GRAMD1C: variants seen among roughly 807,000 people sequenced by gnomAD.
The protein encoded by GRAMD1C is protein Aster-C.
GRAMD1C carries 89 observed loss-of-function variants against 97.8 expected under a neutral mutation model. The observed-to-expected ratio is 0.91, with a 90% confidence interval of 0.77 to 1.09. The LOEUF is 1.09. Among genes scored for constraint, GRAMD1C ranks in the 50% least tolerant of loss-of-function variants. The pLI, the probability that GRAMD1C is intolerant of heterozygous loss-of-function variation, is 0.00. For missense variants in GRAMD1C, 740 were observed against 766.4 expected (o/e 0.97, Z 0.41); for synonymous variants, 256 against 267.0 (o/e 0.96, Z 0.40).
chr3:113,898,340 A>C (rs533676699), intron 6 of GRAMD1C, among the ~76,000 whole-genome samples: 21 of 152,176 alleles, frequency 1.4e-4, no homozygotes, highest in Non-Finnish European at 2.6e-4. Context: ...TTAGTCTTAC[A>C]CAAGTATATT....
intron 10 of GRAMD1C, among the ~76,000 whole-genome samples, chr3:113,921,972 C>G (rs918447297): frequency 1.3e-5 from 2 of 152,034 alleles, no homozygotes; most frequent in African/African-American, 4.8e-5. Flanking sequence ...TTAATTATGT[C>G]CCATTTGTCA....
rs1398389077 is a variant in GRAMD1C at position 113,946,826 on chromosome 3, A to AG, written c.*1351dup. On this transcript the variant is annotated 3_prime_UTR_variant, in exon 18 of 18. Transcript: ENST00000358160. ...AGAATGAAAGTATTGACTCCGTTAG[A>AG]GGGAAAATGGGTTTCTCTGGGTGAA... 1 of 152,210 alleles carries AG rather than the reference A, an allele frequency of 6.6e-6. No homozygotes were observed. The highest frequency in any genetic ancestry group is 1.5e-5 in the Non-Finnish European group (1 of 68,034). The allele number at this position is 152,210 out of a possible 1,614,324, so 9.4% of individuals were successfully genotyped here. A position where few individuals can be genotyped will look rare whatever the true frequency, so the allele number is the denominator to read the frequency against.
intron 5 of GRAMD1C, among the ~76,000 whole-genome samples, chr3:113,882,492 T>C (rs2107400203): frequency 6.6e-6 from 1 of 152,318 alleles, no homozygotes; most frequent in East Asian, 1.9e-4. Context: ...TAGCTACCTA[T>C]TTCAAGTCCC....
Position 113,939,939 on chromosome 3 carries a change from T to C in GRAMD1C, c.1745T>C (p.Ile582Thr), listed in dbSNP as rs756130528. Residue 582 changes from isoleucine (I) to threonine (T), a missense_variant, in exon 16 of 18, where the codon ATA (isoleucine) becomes ACA (threonine). Coordinates refer to ENST00000358160, the MANE Select transcript of GRAMD1C (RefSeq NM_017577.5). ...ACACTGTTTCTGAAGCTGTCAAAGA[T>C]AGAACATGCTGCTCAGTCCTTTTAC... Reference protein sequence around the residue: ...NVTLFLKLSKIEHAAQSFYRL... With the variant: ...NVTLFLKLSKTEHAAQSFYRL... The C allele has an allele frequency of 6.8e-6, 11 of 1,611,264 alleles. No individual in the cohort carries two copies. The East Asian group carries it at 2.0e-4, about 29-fold the overall frequency.
At chr3:113,873,880 T>C (rs1166363826) in intron 3 of GRAMD1C, among the ~76,000 whole-genome samples, 2 of 152,162 alleles carry the variant, frequency 1.3e-5, no homozygotes, top group Admixed American at 6.5e-5. Context: ...AAGCATTGAA[T>C]TGATAAAATG....
At chr3:113,900,776 T>C (rs1936139146) in intron 6 of GRAMD1C, among the ~76,000 whole-genome samples, 1 of 152,086 alleles carries the variant, frequency 6.6e-6, no homozygotes. Context: ...TAACCTCCCA[T>C]TTTCAGTAGT....
intron 2 of GRAMD1C, among the ~76,000 whole-genome samples, chr3:113,847,334 G>A (rs1489788526): frequency 6.6e-6 from 1 of 152,156 alleles, no homozygotes; most frequent in Non-Finnish European, 1.5e-5. Context: ...TATAACATAT[G>A]AAACCATGCT....
At chr3:113,887,085 G>GTT (rs531763397) in intron 6 of GRAMD1C, among the ~76,000 whole-genome samples, 14,597 of 71,012 alleles carry the variant, frequency 0.21, 2,603 homozygotes, top group Non-Finnish European at 0.25. Context: ...TGGCCTTTTT[G>GTT]TTTTTTTTTT....
chr3:113,926,904 G>C (rs1005085701), intron 10 of GRAMD1C, among the ~76,000 whole-genome samples: 12 of 152,080 alleles, frequency 7.9e-5, no homozygotes, highest in African/African-American at 2.9e-4. Flanking sequence ...GAGGGGTGGA[G>C]GTGTTCCTGG....
rs750591530 is a variant in GRAMD1C, at chr3:113,909,021, G to A, written c.853G>A (p.Glu285Lys). 7 of 1,576,968 alleles carry A rather than the reference G, an allele frequency of 4.4e-6. No homozygotes were observed. In the African/African-American group the frequency reaches 5.5e-5, roughly 12 times the overall value. ...CAAAAAGAGTCTCTTACCAACTTTG[G>A]AAAAGAAGTTAACTAGAGTGCCATC... is the stretch of plus-strand genomic sequence containing the variant. ...QTKKSLLPTLEKKLTRVPSKS... is the reference protein window; with the variant it reads ...QTKKSLLPTLKKKLTRVPSKS... The change falls in exon 9 of 18, where the codon GAA becomes AAA. Residue 285 changes from glutamate (E) to lysine (K), a missense_variant. Coordinates refer to ENST00000358160, the MANE Select transcript of GRAMD1C (RefSeq NM_017577.5).
At position 113,945,615 on chromosome 3, in the gene GRAMD1C, T is replaced by A. The variant is rs1559832280; in HGVS notation, c.*137T>A. ...TTGAGATTTCTAATATGAACATTTCTTTCAGTAACATTTATTTGATAATTA... is the reference window on the plus strand; with the variant it reads ...TTGAGATTTCTAATATGAACATTTCATTCAGTAACATTTATTTGATAATTA... On this transcript the variant is annotated 3_prime_UTR_variant, in exon 18 of 18. Transcript: ENST00000358160. 5.2e-6 allele frequency: 3 copies of A among 580,628 alleles called. No individual in the cohort carries two copies. Among genetic ancestry groups the A allele is most frequent in the Non-Finnish European group, 9.2e-6 (3 of 324,506 alleles). The allele number at this position is 580,628 out of a possible 1,614,324, so 36.0% of individuals were successfully genotyped here.
intron 6 of GRAMD1C, among the ~76,000 whole-genome samples, chr3:113,888,000 AG>A (rs1283013374): frequency 6.6e-6 from 1 of 152,300 alleles, no homozygotes; most frequent in Admixed American, 6.5e-5. Context: ...TTAATGATAA[AG>A]AACCTACCAC....
At position 113,867,437 on chromosome 3, in the gene GRAMD1C, C is replaced by T. The variant is rs1009185011; in HGVS notation, c.175-2070C>T. ...CCCCACGAGTAGCTGGGATCACAGG[C>T]ATGCACCACCACACCCGGCTAATTT... On this transcript the variant is annotated intron_variant, in intron 2 of 17. Coordinates refer to ENST00000358160, the MANE Select transcript of GRAMD1C (RefSeq NM_017577.5). 5.3e-5 allele frequency among the ~76,000 whole-genome samples: 8 copies of T among 152,070 alleles called. No individual in the cohort carries two copies. In the East Asian group the frequency reaches 1.5e-3, roughly 29 times the overall value.
At chr3:113,874,683 A>G (rs1309227980) in intron 3 of GRAMD1C, among the ~76,000 whole-genome samples, 2 of 152,154 alleles carry the variant, frequency 1.3e-5, no homozygotes, top group Non-Finnish European at 2.9e-5. Flanking sequence ...CTTAAAATGT[A>G]TACAATTTTC....
chr3:113,849,338 G>A (rs889744682), intron 2 of GRAMD1C, among the ~76,000 whole-genome samples: 4 of 148,492 alleles, frequency 2.7e-5, no homozygotes, highest in East Asian at 3.9e-4. Flanking sequence ...GGTGTTTCTC[G>A]CAGAGGGGGA....
At chr3:113,935,956 G>A (rs1287942263) in intron 13 of GRAMD1C, among the ~76,000 whole-genome samples, 2 of 152,128 alleles carry the variant, frequency 1.3e-5, no homozygotes, top group Non-Finnish European at 2.9e-5. Flanking sequence ...ATGATCCAAT[G>A]TAAGTGGGTA....
At chr3:113,879,541 G>A (rs765094574) in intron 5 of GRAMD1C, among the ~76,000 whole-genome samples, 11 of 152,056 alleles carry the variant, frequency 7.2e-5, no homozygotes, top group Non-Finnish European at 1.6e-4. Flanking sequence ...ACCTCTTTAT[G>A]TGGTCACCCT....
chr3:113,841,668 G>A (rs1933329553), intron 1 of GRAMD1C, among the ~76,000 whole-genome samples: 1 of 151,894 alleles, frequency 6.6e-6, no homozygotes, highest in African/African-American at 2.4e-5. Context: ...AATTTTAACT[G>A]GGCATTGAGA....
intron 6 of GRAMD1C, among the ~76,000 whole-genome samples, chr3:113,884,986 C>G (rs1161168343): frequency 6.9e-6 from 1 of 145,818 alleles, no homozygotes; most frequent in African/African-American, 2.6e-5. Flanking sequence ...CTTCCCCTTC[C>G]CTCCTGGTCT....
Sources: allele counts gnomAD v4.1 joint callset (sites outside exome capture counted in the v4.1 genomes callset), GRCh38; gene constraint gnomAD v4.1.1; transcripts MANE v1.5; gene names NCBI Gene and HGNC (gene_info 2026-07-23, HGNC 2026-07-21).